Variants in GABRG3 observed in about 807,000 individuals in gnomAD.
The protein encoded by GABRG3 is gamma-aminobutyric acid receptor subunit gamma-3.
GABRG3 carries 25 observed loss-of-function variants against 48.8 expected under a neutral mutation model. That is an observed-to-expected ratio of 0.51 (90% CI 0.37 to 0.72). The LOEUF is 0.72. Ranked by LOEUF, GABRG3 falls within the 30% of genes least tolerant of loss-of-function variation. GABRG3 has a pLI of 0.00. For missense variants in GABRG3, 394 were observed against 577.9 expected (o/e 0.68, Z 3.26); for synonymous variants, 227 against 217.6 (o/e 1.04, Z -0.38).
chr15:27,295,322 A>G (rs1313113383), intron 3 of GABRG3: 1 of 152,182 alleles, frequency 6.6e-6, no homozygotes, highest in East Asian at 1.9e-4. Flanking sequence ...TCTCACTTTA[A>G]TTGGTGTAAA....
intron 5 of GABRG3, among the ~76,000 whole-genome samples, chr15:27,474,856 G>A (rs1162122388): frequency 2.0e-5 from 3 of 152,080 alleles, no homozygotes; most frequent in African/African-American, 7.2e-5. Flanking sequence ...GGCTGGCTGG[G>A]TGCAGTGGTT....
chr15:27,419,603 A>G (rs1215011677), intron 5 of GABRG3, among the ~76,000 whole-genome samples: 1 of 152,118 alleles, frequency 6.6e-6, no homozygotes, highest in Non-Finnish European at 1.5e-5. Flanking sequence ...TGAGACTTTC[A>G]ATAACTCCTC....
chr15:27,264,837 T>C (rs1890869890), intron 3 of GABRG3, among the ~76,000 whole-genome samples: 1 of 152,120 alleles, frequency 6.6e-6, no homozygotes, highest in Non-Finnish European at 1.5e-5. Context: ...TTCCTCACTC[T>C]ATTACTAATT....
chr15:27,352,818 A>G lies in GABRG3; in HGVS notation c.574+23930A>G, dbSNP rs965612714. Reference sequence around the variant, plus strand: ...AGGGTGCAATATGGGGCCCAGGTATAGCAACACCTAACTCATAGGACTATG... The same window carrying G: ...AGGGTGCAATATGGGGCCCAGGTATGGCAACACCTAACTCATAGGACTATG... On this transcript the variant is annotated intron_variant, in intron 5 of 9. Coordinates refer to ENST00000615808, the MANE Select transcript of GABRG3 (RefSeq NM_033223.5). The surrounding 1 kb of genome is among the most constrained non-coding windows in gnomAD (Gnocchi z 4.0). Among the ~76,000 whole-genome samples, 7 of 152,138 alleles carry G rather than the reference A, an allele frequency of 4.6e-5. No individual in the cohort carries two copies. The South Asian group carries it at 1.2e-3, about 27-fold the overall frequency.
chr15:27,494,000 A>G (rs1000746496), intron 6 of GABRG3, among the ~76,000 whole-genome samples: 1 of 152,162 alleles, frequency 6.6e-6, no homozygotes, highest in Non-Finnish European at 1.5e-5. Context: ...CTGGTTTTAT[A>G]AAAGAATGGA....
At chr15:27,443,076 T>C (rs1384822452) in intron 5 of GABRG3, among the ~76,000 whole-genome samples, 1 of 152,184 alleles carries the variant, frequency 6.6e-6, no homozygotes, top group Non-Finnish European at 1.5e-5. Flanking sequence ...AATGTGACTA[T>C]ATTTGGAGGT....
intron 6 of GABRG3, among the ~76,000 whole-genome samples, chr15:27,514,050 A>G (rs763048747): frequency 1.3e-5 from 2 of 152,366 alleles, no homozygotes; most frequent in East Asian, 3.9e-4. Context: ...ATAAATGAGG[A>G]TGCATAATTT....
chr15:26,986,740 T>A (rs966135244), intron 2 of GABRG3, among the ~76,000 whole-genome samples: 35 of 152,224 alleles, frequency 2.3e-4, no homozygotes, highest in Non-Finnish European at 1.2e-4. Context: ...TATAATCTAG[T>A]GCTGGTCTTG....
At chr15:27,518,624 CT>C (rs1478679004) in intron 6 of GABRG3, among the ~76,000 whole-genome samples, 1 of 151,844 alleles carries the variant, frequency 6.6e-6, no homozygotes, top group Admixed American at 6.6e-5. Context: ...TATCTAGATG[CT>C]GGGGAAATAA....
intron 5 of GABRG3, 25 bp from the exon 6 acceptor site, chr15:27,480,625 G>A: frequency 6.4e-7 from 1 of 1,572,344 alleles, no homozygotes; most frequent in Non-Finnish European, 8.7e-7. Context: ...ACCTTCAAGT[G>A]CTAATGTTTG....
chr15:27,044,863 G>A (rs1896336089), intron 3 of GABRG3, among the ~76,000 whole-genome samples: 1 of 152,332 alleles, frequency 6.6e-6, no homozygotes, highest in South Asian at 2.1e-4. Context: ...GATTGGCTGA[G>A]ACTCAATTAT....
chr15:27,175,726 G>T (rs1027373322), intron 3 of GABRG3, among the ~76,000 whole-genome samples: 10 of 152,324 alleles, frequency 6.6e-5, no homozygotes, highest in Non-Finnish European at 1.3e-4. Context: ...CCTTGAGATT[G>T]CCCTGGAGAG....
At chr15:27,231,616 G>T (rs1472473372) in intron 3 of GABRG3, among the ~76,000 whole-genome samples, 1 of 152,200 alleles carries the variant, frequency 6.6e-6, no homozygotes, top group Non-Finnish European at 1.5e-5. Flanking sequence ...ATGTCTTTTG[G>T]AGATGAAAGG....
chr15:27,372,376 T>A (rs1895442828), intron 5 of GABRG3, among the ~76,000 whole-genome samples: 1 of 152,136 alleles, frequency 6.6e-6, no homozygotes, highest in African/African-American at 2.4e-5. Context: ...TCATTTAAAC[T>A]TTTTGTATTT....
At chr15:27,351,316 A>T (rs1161828674) in intron 5 of GABRG3, among the ~76,000 whole-genome samples, 1 of 96,238 alleles carries the variant, frequency 1.0e-5, no homozygotes, top group African/African-American at 4.2e-5. Context: ...TGTATGGTGT[A>T]TGTGTATGGT....
chr15:27,431,355 A>G (rs60942360), intron 5 of GABRG3, among the ~76,000 whole-genome samples: 6,504 of 152,196 alleles, frequency 0.043, 457 homozygotes, highest in African/African-American at 0.15. Flanking sequence ...TAGAAATACA[A>G]TTTATTTTTG....
At chr15:27,133,308 G>T (rs1268051474) in intron 3 of GABRG3, among the ~76,000 whole-genome samples, 1 of 152,132 alleles carries the variant, frequency 6.6e-6, no homozygotes, top group South Asian at 2.1e-4. Flanking sequence ...TTTTAAACAT[G>T]TGTCCTGAAT....
chr15:27,513,449 C>CAA (rs368762091), intron 6 of GABRG3, among the ~76,000 whole-genome samples: 16 of 133,610 alleles, frequency 1.2e-4, no homozygotes, highest in African/African-American at 3.5e-4. Flanking sequence ...GACTCCGTCT[C>CAA]AAAAAAAAAG....
intron 5 of GABRG3, chr15:27,364,749 A>C (rs1272465873): frequency 6.6e-6 from 1 of 152,200 alleles, no homozygotes; most frequent in Non-Finnish European, 1.5e-5. Context: ...TGGCTACATC[A>C]TGATCACTAA....
Sources: allele counts gnomAD v4.1 joint callset (sites outside exome capture counted in the v4.1 genomes callset), GRCh38; gene constraint gnomAD v4.1.1; non-coding constraint Gnocchi (gnomAD v3.1); transcripts MANE v1.5; gene names NCBI Gene and HGNC (gene_info 2026-07-23, HGNC 2026-07-21).